The following UNC5D variants were observed in gnomAD, a reference collection of about 807,000 sequenced individuals.
UNC5D encodes the protein unc-5 netrin receptor D.
In UNC5D, 39 loss-of-function variants were observed where a neutral mutation model predicts 105.4. The ratio of observed to expected loss-of-function variants is 0.37; its 90% CI spans 0.29 to 0.48. The LOEUF (loss-of-function observed/expected upper bound fraction) is 0.48, where lower values mean the gene tolerates loss of function less well. Ranked by LOEUF, UNC5D falls within the 20% of genes least tolerant of loss-of-function variation. The pLI is 0.98. For missense variants in UNC5D, 991 were observed against 1,202.4 expected (o/e 0.82, Z 2.60); for synonymous variants, 452 against 450.4 (o/e 1.00, Z -0.04).
chr8:35,349,312 A>G (rs1430457595), intron 1 of UNC5D, among the ~76,000 whole-genome samples: 2 of 151,992 alleles, frequency 1.3e-5, no homozygotes, highest in Admixed American at 6.6e-5. Context: ...ATTAGCCTGC[A>G]TATCTTTACC....
chr8:35,493,633 T>A (rs1024929192), intron 1 of UNC5D, among the ~76,000 whole-genome samples: 4 of 152,290 alleles, frequency 2.6e-5, no homozygotes. Flanking sequence ...ATGGAATTAA[T>A]GAAAAAGAGT....
chr8:35,390,207 A>T (rs549845173), intron 1 of UNC5D, among the ~76,000 whole-genome samples: 45 of 152,264 alleles, frequency 3.0e-4, no homozygotes, highest in African/African-American at 9.9e-4. Context: ...GGAGGACAAT[A>T]CCAAGAGGGA....
intron 1 of UNC5D, among the ~76,000 whole-genome samples, chr8:35,372,777 A>C (rs965938117): frequency 3.3e-5 from 5 of 151,920 alleles, no homozygotes; most frequent in African/African-American, 1.2e-4. Flanking sequence ...CTAATTTAAA[A>C]CACACTTTAG....
intron 1 of UNC5D, among the ~76,000 whole-genome samples, chr8:35,270,074 G>GA (rs1805171874): frequency 6.6e-6 from 1 of 152,148 alleles, no homozygotes; most frequent in African/African-American, 2.4e-5. Flanking sequence ...GAAGATAATT[G>GA]AGAGGGAAGG....
At position 35,774,323 on chromosome 8, in the gene UNC5D, T is replaced by G; in HGVS notation, c.2503T>G (p.Phe835Val). 1 of 1,613,992 alleles carries G rather than the reference T, an allele frequency of 6.2e-7. No individual in the cohort carries two copies. Among genetic ancestry groups the G allele is most frequent in the East Asian group, 2.2e-5 (1 of 44,874 alleles). ...LESERETITFFAQEDSTFPAQ... is the reference protein window; with the variant it reads ...LESERETITFVAQEDSTFPAQ... ...GAGTGAACGAGAAACCATCACTTTC[T>G]TCGCACAAGAGGACAGCACTTTCCC... Residue 835 changes from phenylalanine (F) to valine (V), a missense_variant, in exon 16 of 17, where the codon TTC becomes GTC. By Grantham distance (50) the Phe-to-Val change is conservative. Transcript: ENST00000404895.
At chr8:35,271,752 TATACATGTATACATATATTTAC>T (rs1205525051) in intron 1 of UNC5D, among the ~76,000 whole-genome samples, 1 of 106,906 alleles carries the variant, frequency 9.4e-6, no homozygotes. Flanking sequence ...TTTATACATG[TATACATGTATACATATATTTAC>T]ATAGGCACTC....
At chr8:35,246,845 T>G (rs1199106488) in intron 1 of UNC5D, among the ~76,000 whole-genome samples, 1 of 152,126 alleles carries the variant, frequency 6.6e-6, no homozygotes, top group East Asian at 1.9e-4. Flanking sequence ...ATTTGTAGAA[T>G]AGTGTTATGT....
intron 1 of UNC5D, among the ~76,000 whole-genome samples, chr8:35,394,642 A>C (rs1248931049): frequency 1.3e-5 from 2 of 152,090 alleles, no homozygotes; most frequent in Non-Finnish European, 2.9e-5. Flanking sequence ...TATAAAATCG[A>C]CCTCAGTAAA....
chr8:35,503,341 G>A (rs1397121540), intron 1 of UNC5D, among the ~76,000 whole-genome samples: 1 of 152,186 alleles, frequency 6.6e-6, no homozygotes, highest in East Asian at 1.9e-4. Flanking sequence ...AATCATGGTG[G>A]CAGGCAAGAG....
intron 11 of UNC5D, among the ~76,000 whole-genome samples, chr8:35,736,982 C>A (rs1399397007): frequency 1.3e-5 from 2 of 152,118 alleles, no homozygotes; most frequent in African/African-American, 4.8e-5. Context: ...TTCATCTCCA[C>A]CAATATTGCC....
chr8:35,754,888 C>A (rs374628899), intron 13 of UNC5D, among the ~76,000 whole-genome samples: 1 of 152,220 alleles, frequency 6.6e-6, no homozygotes, highest in African/African-American at 2.4e-5. Context: ...CATCTAAAAT[C>A]GTCTCTATGA....
At chr8:35,391,378 A>G (rs1803759955) in intron 1 of UNC5D, among the ~76,000 whole-genome samples, 1 of 152,218 alleles carries the variant, frequency 6.6e-6, no homozygotes, top group African/African-American at 2.4e-5. Context: ...CATCACAAAC[A>G]TACATGCAAG....
intron 1 of UNC5D, among the ~76,000 whole-genome samples, chr8:35,389,268 T>C (rs576046916): frequency 2.4e-4 from 37 of 152,330 alleles, no homozygotes; most frequent in Middle Eastern, 3.4e-3. Context: ...TTCTGTTATT[T>C]GTGGCCCTCT....
At chr8:35,355,073 T>C (rs1801473940) in intron 1 of UNC5D, among the ~76,000 whole-genome samples, 1 of 152,140 alleles carries the variant, frequency 6.6e-6, no homozygotes, top group African/African-American at 2.4e-5. Context: ...TGGCATGCAG[T>C]CCCTTTCTCC....
intron 1 of UNC5D, among the ~76,000 whole-genome samples, chr8:35,289,291 A>C (rs1806854571): frequency 6.6e-6 from 1 of 152,232 alleles, no homozygotes; most frequent in South Asian, 2.1e-4. Flanking sequence ...AAAGGAGTTA[A>C]TTCATCAAGC....
At chr8:35,584,665 G>A (rs1312201079) in intron 3 of UNC5D, among the ~76,000 whole-genome samples, 1 of 151,842 alleles carries the variant, frequency 6.6e-6, no homozygotes, top group Non-Finnish European at 1.5e-5. Context: ...GGCCCAAGCT[G>A]GTATCAAACT....
At chr8:35,599,571 T>C (rs909530682) in intron 4 of UNC5D, among the ~76,000 whole-genome samples, 2 of 152,144 alleles carry the variant, frequency 1.3e-5, no homozygotes, top group Non-Finnish European at 2.9e-5. Context: ...GAAGGGAAAT[T>C]AGTCTGCTAA....
intron 7 of UNC5D, among the ~76,000 whole-genome samples, chr8:35,697,270 CAT>C (rs964930746): frequency 1.3e-5 from 2 of 150,508 alleles, no homozygotes; most frequent in Admixed American, 1.3e-4. Flanking sequence ...ACATATTAAA[CAT>C]ATATATACAC....
Position 35,567,163 on chromosome 8 carries a change from A to C in UNC5D, c.323-935A>C, listed in dbSNP as rs555450591. Among the ~76,000 whole-genome samples the C allele has an allele frequency of 3.6e-3, 550 of 150,808 alleles. 3 individuals are homozygous for C. Among genetic ancestry groups the C allele is most frequent in the South Asian group, 0.02 (93 of 4,710 alleles). On this transcript the variant is annotated intron_variant, in intron 2 of 16. Coordinates refer to ENST00000404895, the MANE Select transcript of UNC5D (RefSeq NM_080872.4). ...GCCCTTAGCCACTCTTTCTATAAAA[A>C]CCCCCCTTTCTTCACCTCCTCATAC...
Sources: gnomAD v4.1 joint callset for allele counts (sites outside exome capture counted in the v4.1 genomes callset) on GRCh38, gnomAD v4.1.1 for gene constraint, MANE v1.5 for transcripts, NCBI Gene and HGNC (gene_info 2026-07-23, HGNC 2026-07-21) for gene names.